The following ADD3 variants were observed in gnomAD, a reference collection of about 807,000 sequenced individuals.
ADD3 encodes gamma-adducin.
Under a neutral mutation model 80.2 loss-of-function variants are expected in ADD3, and 25 were observed. The ratio of observed to expected loss-of-function variants is 0.31; its 90% CI spans 0.23 to 0.44. The LOEUF is 0.44. Ranked by LOEUF, ADD3 falls within the 20% of genes least tolerant of loss-of-function variation. ADD3 has a pLI of 1.00. For missense variants in ADD3, 829 were observed against 847.5 expected, an observed-to-expected ratio of 0.98 and a Z score of 0.27; for synonymous variants, 284 against 289.6, an observed-to-expected ratio of 0.98 and a Z score of 0.20.
At position 110,119,506 on chromosome 10, in the gene ADD3, A is replaced by G; in HGVS notation, c.902A>G (p.Glu301Gly). Residue 301 changes from glutamate to glycine, a missense_variant, in exon 8 of 15, where the codon GAA (glutamate) becomes GGA (glycine). By Grantham distance (98) the Glu-to-Gly change is moderately conservative. Coordinates refer to ENST00000356080, the MANE Select transcript of ADD3 (RefSeq NM_016824.5). ...AATCATGGTGTGGTTGCACTTGGAG[A>G]AACATTAGAGGAGGCTTTTCATTAT... ...LRNHGVVALG[E>G]TLEEAFHYIF... The G allele has an allele frequency of 6.2e-7, 1 of 1,614,128 alleles. No individual in the cohort carries two copies. Among genetic ancestry groups the G allele is most frequent in the Non-Finnish European group, 8.5e-7 (1 of 1,180,004 alleles).
intron 2 of ADD3, among the ~76,000 whole-genome samples, 188 bp from the exon 3 acceptor site, chr10:110,112,588 CT>C (rs1179035130): frequency 1.3e-5 from 2 of 152,134 alleles, no homozygotes; most frequent in Non-Finnish European, 2.9e-5. Context: ...GTTTTCCCCC[CT>C]AAAAGCAAGC....
rs774062682 is a variant in ADD3, at chr10:110,124,174, G to A, written c.1301G>A (p.Arg434His). 9.9e-6 allele frequency: 16 copies of A among 1,614,030 alleles called. No homozygotes were observed. Among genetic ancestry groups the A allele is most frequent in the African/African-American group, 4.0e-5 (3 of 74,912 alleles). ...PLKYMAQRQQ[R>H]EKTRWLNSPN... is the part of the protein sequence containing the mutation. ...AAATACATGGCACAGAGGCAACAGC[G>A]TGAAAAAACAAGATGGCTGAACTCA... The change falls in exon 10 of 15, where the codon CGT becomes CAT. Residue 434 changes from arginine (R) to histidine (H), a missense_variant. Coordinates refer to ENST00000356080, the MANE Select transcript of ADD3 (RefSeq NM_016824.5).
chr10:110,120,137 A>G (rs1038117544), intron 8 of ADD3, among the ~76,000 whole-genome samples: 32 of 150,742 alleles, frequency 2.1e-4, no homozygotes, highest in African/African-American at 7.8e-4. Flanking sequence ...GGTTAGTTAC[A>G]TATGTATACA....
At chr10:110,020,749 A>G (rs1853575087) in intron 1 of ADD3, among the ~76,000 whole-genome samples, 1 of 152,220 alleles carries the variant, frequency 6.6e-6, no homozygotes. Context: ...TGGTAGAGGT[A>G]GTGAGAATTG....
At chr10:110,024,089 A>G (rs529048300) in intron 1 of ADD3, among the ~76,000 whole-genome samples, 42 of 152,352 alleles carry the variant, frequency 2.8e-4, no homozygotes, top group African/African-American at 9.9e-4. Flanking sequence ...GATAGGATCA[A>G]TTGTACCCCA....
chr10:110,045,039 T>A (rs149282230), intron 1 of ADD3, among the ~76,000 whole-genome samples: 271 of 152,256 alleles, frequency 1.8e-3, no homozygotes, highest in African/African-American at 6.2e-3. Flanking sequence ...AAAATACTTT[T>A]CCGAAACACT....
chr10:110,087,185 C>A (rs1041583438), intron 1 of ADD3, among the ~76,000 whole-genome samples: 4 of 152,044 alleles, frequency 2.6e-5, no homozygotes, highest in Non-Finnish European at 5.9e-5. Flanking sequence ...CCCACCACCA[C>A]GCCCAGCTAA....
intron 1 of ADD3, among the ~76,000 whole-genome samples, chr10:110,052,405 T>A (rs776057198): frequency 6.6e-6 from 1 of 152,118 alleles, no homozygotes; most frequent in Non-Finnish European, 1.5e-5. Flanking sequence ...GAGCTCCACT[T>A]CCTATCAGAT....
At chr10:110,072,717 G>A (rs1481438666) in intron 1 of ADD3, among the ~76,000 whole-genome samples, 1 of 152,206 alleles carries the variant, frequency 6.6e-6, no homozygotes, top group African/African-American at 2.4e-5. Flanking sequence ...ACCATGGTCA[G>A]CATTTTTATC....
In ADD3 at chr10:110,008,245, GGGC is replaced by G. The variant is rs1174280803; in HGVS notation, c.-80_-78del. On this transcript the variant is annotated 5_prime_UTR_variant, in exon 1 of 15. Coordinates refer to ENST00000356080, the MANE Select transcript of ADD3 (RefSeq NM_016824.5). ...GCGGATCCGGCGGCTGCTGCAGCCC[GGGC>G]GGCTGCCGAGAAGGAGGGAGGGGAA... is the stretch of plus-strand genomic sequence containing the variant. The G allele has an allele frequency of 3.3e-5, 5 of 152,262 alleles. No homozygotes were observed. The highest frequency in any genetic ancestry group is 5.9e-5 in the Non-Finnish European group (4 of 68,112). The allele number at this position is 152,262 out of a possible 1,614,324, so 9.4% of individuals were successfully genotyped here.
chr10:110,131,754 T>C (rs1448752987), intron 13 of ADD3, among the ~76,000 whole-genome samples: 1 of 152,228 alleles, frequency 6.6e-6, no homozygotes, highest in Non-Finnish European at 1.5e-5. Context: ...CTCTTTAATC[T>C]CTTGTTTTTT....
chr10:110,059,070 G>T (rs575792632), intron 1 of ADD3, among the ~76,000 whole-genome samples: 1 of 152,272 alleles, frequency 6.6e-6, no homozygotes, highest in South Asian at 2.1e-4. Context: ...TGGGTTAGGT[G>T]CCTTGTCTGT....
chr10:110,086,467 ATC>A (rs1331454851), intron 1 of ADD3, among the ~76,000 whole-genome samples: 1 of 152,096 alleles, frequency 6.6e-6, no homozygotes, highest in African/African-American at 2.4e-5. Context: ...CCCCACGCAA[ATC>A]TCATATTAAA....
intron 1 of ADD3, among the ~76,000 whole-genome samples, chr10:110,066,435 G>T (rs541091239): frequency 6.6e-6 from 1 of 152,122 alleles, no homozygotes; most frequent in East Asian, 1.9e-4. Flanking sequence ...CAGTTTCACT[G>T]TGTTAGCCAG....
chr10:110,121,155 C>G (rs1851445318), intron 8 of ADD3, among the ~76,000 whole-genome samples: 1 of 152,078 alleles, frequency 6.6e-6, no homozygotes, highest in Non-Finnish European at 1.5e-5. Flanking sequence ...CAAATGGGAT[C>G]TAATTAAACT....
At chr10:110,106,901 A>G (rs1427947545) in intron 2 of ADD3, among the ~76,000 whole-genome samples, 1 of 152,156 alleles carries the variant, frequency 6.6e-6, no homozygotes, top group East Asian at 1.9e-4. Flanking sequence ...TACCTAGTAG[A>G]TTATGGGTAG....
At chr10:110,075,275 C>A (rs1029494302) in intron 1 of ADD3, among the ~76,000 whole-genome samples, 1 of 151,950 alleles carries the variant, frequency 6.6e-6, no homozygotes, top group African/African-American at 2.4e-5. Context: ...GGGTGATATT[C>A]AGAAGGGAGA....
chr10:110,059,906 A>T (rs1488137510), intron 1 of ADD3, among the ~76,000 whole-genome samples: 1 of 152,242 alleles, frequency 6.6e-6, no homozygotes, highest in Non-Finnish European at 1.5e-5. Context: ...ATGGCTTTTT[A>T]TTTAGGGACA....
rs1250508095 is a variant in ADD3 at position 110,135,445 on chromosome 10, A to G, written c.*1827A>G. Reference sequence around the variant, plus strand: ...AATGCCTCTATTTACTTGCTTTGGCATAAAGAATGAGCCAATGAACCTCTG... The same window carrying G: ...AATGCCTCTATTTACTTGCTTTGGCGTAAAGAATGAGCCAATGAACCTCTG... On this transcript the variant is annotated 3_prime_UTR_variant, in exon 15 of 15. Transcript: ENST00000356080. 1 of 152,658 alleles carries G rather than the reference A, an allele frequency of 6.6e-6. No individual in the cohort carries two copies. The highest frequency in any genetic ancestry group is 1.5e-5 in the Non-Finnish European group (1 of 68,044). The allele number at this position is 152,658 out of a possible 1,614,324, so 9.5% of individuals were successfully genotyped here.
Sources: allele counts gnomAD v4.1 joint callset (sites outside exome capture counted in the v4.1 genomes callset), GRCh38; gene constraint gnomAD v4.1.1; transcripts MANE v1.5; gene names NCBI Gene and HGNC (gene_info 2026-07-23, HGNC 2026-07-21).